BTBD7: variants seen among roughly 807,000 people sequenced by gnomAD.
BTBD7 encodes BTB domain containing 7.
BTBD7 carries 38 observed loss-of-function variants against 99.9 expected under a neutral mutation model. That is an observed-to-expected ratio of 0.38 (90% CI 0.29 to 0.50). BTBD7 has a LOEUF of 0.50. Among genes scored for constraint, BTBD7 ranks in the 20% least tolerant of loss-of-function variants. The pLI is 0.93. For synonymous variants in BTBD7, 520 were observed against 511.4 expected (o/e 1.02, Z -0.23); for missense variants, 1,170 against 1,394.6 (o/e 0.84, Z 2.57).
intron 3 of BTBD7, among the ~76,000 whole-genome samples, chr14:93,271,883 G>A (rs1269121476): frequency 1.3e-5 from 2 of 152,150 alleles, no homozygotes; most frequent in African/African-American, 4.8e-5. Flanking sequence ...GTGCATGCCT[G>A]TAGTCCCAAG....
chr14:93,313,737 CATTT>C (rs2053167378), intron 1 of BTBD7, among the ~76,000 whole-genome samples: 1 of 151,126 alleles, frequency 6.6e-6, no homozygotes, highest in Non-Finnish European at 1.5e-5. Context: ...TATACACACA[CATTT>C]ATTTTAATTT....
intron 1 of BTBD7, among the ~76,000 whole-genome samples, chr14:93,299,907 T>C (rs1051118958): frequency 6.6e-6 from 1 of 152,190 alleles, no homozygotes; most frequent in African/African-American, 2.4e-5. Flanking sequence ...CTGAGGTTCA[T>C]TGTAAAGAGG....
At chr14:93,273,929 G>A (rs750179255) in intron 3 of BTBD7, among the ~76,000 whole-genome samples, 2 of 152,182 alleles carry the variant, frequency 1.3e-5, no homozygotes, top group South Asian at 2.1e-4. Context: ...TGTTGGATGA[G>A]GTGCAAGGTC....
chr14:93,315,602 T>C (rs1484426962), intron 1 of BTBD7, among the ~76,000 whole-genome samples: 1 of 152,236 alleles, frequency 6.6e-6, no homozygotes, highest in Non-Finnish European at 1.5e-5. Flanking sequence ...CAACTACTAA[T>C]CTAATTTCTA....
chr14:93,263,368 G>A (rs2052509638), intron 4 of BTBD7, among the ~76,000 whole-genome samples: 1 of 152,232 alleles, frequency 6.6e-6, no homozygotes, highest in Admixed American at 6.5e-5. Context: ...AAAAATGTGA[G>A]CAGATCAGAA....
chr14:93,272,689 G>T (rs2052613071), intron 3 of BTBD7, among the ~76,000 whole-genome samples: 1 of 152,162 alleles, frequency 6.6e-6, no homozygotes, highest in Admixed American at 6.5e-5. Context: ...TTTTTAAAAG[G>T]CAACCAGGAA....
At chr14:93,301,363 C>G (rs57089106) in intron 1 of BTBD7, among the ~76,000 whole-genome samples, 58,356 of 151,852 alleles carry the variant, frequency 0.38, 12,396 homozygotes, top group African/African-American at 0.58. Flanking sequence ...GGCTAATTTT[C>G]TATTTTTAGT....
chr14:93,292,715 G>C (rs1278491520), intron 3 of BTBD7, among the ~76,000 whole-genome samples: 1 of 152,064 alleles, frequency 6.6e-6, no homozygotes, highest in African/African-American at 2.4e-5. Context: ...GCTATTCACA[G>C]GTATGATCAC....
Position 93,246,298 on chromosome 14 carries a change from TAAAAA to T in BTBD7, c.2122-17_2122-13del. On this transcript the variant is annotated splice_polypyrimidine_tract_variant and intron_variant, in intron 9 of 10. Transcript: ENST00000334746. ...AATTTGTGAGGATTCTAAAAAAGAT[TAAAAA>T]AAAAAAAAAAGGACATTTATTAGCA... is the stretch of plus-strand genomic sequence containing the variant. 2.2e-6 allele frequency: 3 copies of T among 1,345,384 alleles called. No individual in the cohort carries two copies. Among genetic ancestry groups the T allele is most frequent in the South Asian group, 2.0e-5 (1 of 51,096 alleles). 83.3% of individuals were successfully genotyped at this position (1,345,384 alleles called of 1,614,324 possible). A position where few individuals can be genotyped will look rare whatever the true frequency, so the allele number is the denominator to read the frequency against.
chr14:93,276,020 GCT>G (rs1264910790), intron 3 of BTBD7, among the ~76,000 whole-genome samples: 1 of 152,036 alleles, frequency 6.6e-6, no homozygotes, highest in African/African-American at 2.4e-5. Flanking sequence ...TCCAAGACCA[GCT>G]TGGGCAACAC....
At chr14:93,330,844 A>C (rs547637032) in intron 1 of BTBD7, among the ~76,000 whole-genome samples, 1 of 152,348 alleles carries the variant, frequency 6.6e-6, no homozygotes, top group South Asian at 2.1e-4. Context: ...TGATACCTGG[A>C]AACTAGGTAG....
Position 93,240,630 on chromosome 14 carries a change from C to T in BTBD7, c.*1643G>A, listed in dbSNP as rs184364261. On this transcript the variant is annotated 3_prime_UTR_variant, in exon 11 of 11. Coordinates refer to ENST00000334746, the MANE Select transcript of BTBD7 (RefSeq NM_001002860.4). ...TAGAAAGCCTCTTTTCTTCTAAGTGCTACGGCTGTGTGTTTATGTGTTTGT... is the reference window on the plus strand; with the variant it reads ...TAGAAAGCCTCTTTTCTTCTAAGTGTTACGGCTGTGTGTTTATGTGTTTGT... The T allele has an allele frequency of 3.9e-5, 6 of 152,704 alleles. No homozygotes were observed. Among genetic ancestry groups the T allele is most frequent in the Admixed American group, 3.3e-4 (5 of 15,304 alleles). The allele number at this position is 152,704 out of a possible 1,614,324, so 9.5% of individuals were successfully genotyped here. A position where few individuals can be genotyped will look rare whatever the true frequency, so the allele number is the denominator to read the frequency against.
At chr14:93,295,115 A>G (rs1223679735) in intron 2 of BTBD7, among the ~76,000 whole-genome samples, 178 bp from the exon 3 acceptor site, 1 of 152,078 alleles carries the variant, frequency 6.6e-6, no homozygotes, top group African/African-American at 2.4e-5. Flanking sequence ...TTTCAATTCA[A>G]TTTAATTTTT....
chr14:93,292,611 A>G (rs2139764794), intron 3 of BTBD7, among the ~76,000 whole-genome samples: 1 of 152,348 alleles, frequency 6.6e-6, no homozygotes, highest in East Asian at 1.9e-4. Flanking sequence ...CATGTTTATC[A>G]ACGCCTTCTT....
intron 3 of BTBD7, among the ~76,000 whole-genome samples, chr14:93,271,506 G>A (rs2052600692): frequency 6.6e-6 from 1 of 152,172 alleles, no homozygotes; most frequent in Non-Finnish European, 1.5e-5. Context: ...ACCAGAGTTA[G>A]AAATAAGAAT....
At position 93,257,207 on chromosome 14, in the gene BTBD7, G is replaced by A; in HGVS notation, c.1596C>T (p.Val532=). Residue 532 remains valine (V), a synonymous_variant, in exon 6 of 11, where the codon GTC becomes GTT. Transcript: ENST00000334746. The stretch of plus-strand genomic sequence containing the variant: ...GAAAAACACTTACTGCATCACTTAA[G>A]ACTTCACTGTTTATAGGTAAGATGT... The part of the protein sequence containing the change: ...IEHILPINSE[V]LSDAMKRGLI... 6.2e-7 allele frequency: 1 copy of A among 1,613,860 alleles called. No individual in the cohort carries two copies. The highest frequency in any genetic ancestry group is 8.5e-7 in the Non-Finnish European group (1 of 1,179,918).
In BTBD7 at chr14:93,265,418, G is replaced by A. The variant is rs567234036; in HGVS notation, c.1163-1425C>T. 2.0e-5 allele frequency among the ~76,000 whole-genome samples: 3 copies of A among 152,338 alleles called. No homozygotes were observed. The East Asian group carries it at 5.8e-4, about 29-fold the overall frequency. On this transcript the variant is annotated intron_variant, in intron 3 of 10. Transcript: ENST00000334746. ...TAAACTGTAAGCACCACAAGATAGGGACGGCTATCTTCAATGTATTCCTAG... is the reference window on the plus strand; with the variant it reads ...TAAACTGTAAGCACCACAAGATAGGAACGGCTATCTTCAATGTATTCCTAG...
chr14:93,259,690 A>G (rs973911700), intron 5 of BTBD7, among the ~76,000 whole-genome samples: 4 of 152,158 alleles, frequency 2.6e-5, no homozygotes, highest in Non-Finnish European at 5.9e-5. Flanking sequence ...TAAAAAATTC[A>G]TAACTTGCTG....
intron 1 of BTBD7, among the ~76,000 whole-genome samples, chr14:93,312,676 A>G (rs919367794): frequency 1.3e-5 from 2 of 149,828 alleles, no homozygotes; most frequent in African/African-American, 2.5e-5. Context: ...TTTGGGTAGA[A>G]TAAAGAGTGC....
Sources: allele counts gnomAD v4.1 joint callset (sites outside exome capture counted in the v4.1 genomes callset), GRCh38; gene constraint gnomAD v4.1.1; transcripts MANE v1.5; gene names NCBI Gene and HGNC (gene_info 2026-07-23, HGNC 2026-07-21).